ITGAV: variants seen among roughly 807,000 people sequenced by gnomAD.
ITGAV encodes the protein integrin subunit alpha V.
A neutral mutation model predicts 143.8 loss-of-function variants in ITGAV; 76 were observed. The ratio of observed to expected loss-of-function variants is 0.53; its 90% CI spans 0.44 to 0.64. ITGAV has a LOEUF of 0.64. Ranked by LOEUF, ITGAV falls within the 30% of genes least tolerant of loss-of-function variation. The probability of loss-of-function intolerance (pLI) is 0.00; values close to 1 mark genes in which losing one functional copy is unlikely to be tolerated. For synonymous variants in ITGAV, 453 were observed against 446.7 expected (o/e 1.01, Z -0.18); for missense variants, 1,193 against 1,274.7 (o/e 0.94, Z 0.98).
In ITGAV at chr2:186,678,588, AC is replaced by A. The variant is rs1290933541; in HGVS notation, c.*1297del. The A allele has an allele frequency of 2.5e-5, 8 of 322,080 alleles. No homozygotes were observed. Among genetic ancestry groups the A allele is most frequent in the Non-Finnish European group, 4.8e-5 (8 of 166,288 alleles). The allele number at this position is 322,080 out of a possible 1,614,324, so 20.0% of individuals were successfully genotyped here. ...TTTCTGAAGTTCGTTAGTATAAATT[AC>A]TTTTCTAGGATTATTAATAAAAGCC... is the stretch of plus-strand genomic sequence containing the variant. On this transcript the variant is annotated 3_prime_UTR_variant, in exon 30 of 30. Coordinates refer to ENST00000261023, the MANE Select transcript of ITGAV (RefSeq NM_002210.5).
At chr2:186,648,891 T>TA (rs1191578908) in intron 13 of ITGAV, among the ~76,000 whole-genome samples, 1 of 150,378 alleles carries the variant, frequency 6.6e-6, no homozygotes, top group Non-Finnish European at 1.5e-5. Context: ...AGATTATTAG[T>TA]AAAAATAATC....
chr2:186,594,678 G>A lies in ITGAV; in HGVS notation c.185+4155G>A, dbSNP rs187713612. ...CATTGCCAGCAAGAAAGTCCAAACC[G>A]CTTAACATGGATTAAGGTCACTTGC... On this transcript the variant is annotated intron_variant, in intron 1 of 29. Coordinates refer to ENST00000261023, the MANE Select transcript of ITGAV (RefSeq NM_002210.5). Among the ~76,000 whole-genome samples, 7 of 152,204 alleles carry A rather than the reference G, an allele frequency of 4.6e-5. No homozygotes were observed. In the East Asian group the frequency reaches 9.6e-4, roughly 21 times the overall value.
chr2:186,660,734 A>C (rs1277636252), intron 18 of ITGAV, among the ~76,000 whole-genome samples: 1 of 152,202 alleles, frequency 6.6e-6, no homozygotes, highest in Admixed American at 6.5e-5. Context: ...TGTCATAACA[A>C]AGTACCACAG....
intron 12 of ITGAV, among the ~76,000 whole-genome samples, chr2:186,642,858 A>G (rs1267601750): frequency 1.3e-5 from 2 of 152,286 alleles, no homozygotes; most frequent in Non-Finnish European, 2.9e-5. Context: ...GGTAGGGAAC[A>G]TCTACTCAGA....
At chr2:186,631,893 G>A (rs1687822507) in intron 5 of ITGAV, among the ~76,000 whole-genome samples, 1 of 152,112 alleles carries the variant, frequency 6.6e-6, no homozygotes. Context: ...AGGCATGGGT[G>A]ACATGTGCTT....
chr2:186,607,126 A>G (rs1687089537), intron 2 of ITGAV, among the ~76,000 whole-genome samples: 1 of 152,114 alleles, frequency 6.6e-6, no homozygotes, highest in African/African-American at 2.4e-5. Flanking sequence ...CTGCCATTCT[A>G]CATTGTATAA....
At chr2:186,657,562 A>G (rs1178044297) in intron 17 of ITGAV, among the ~76,000 whole-genome samples, 2 of 152,232 alleles carry the variant, frequency 1.3e-5, no homozygotes, top group African/African-American at 2.4e-5. Context: ...CAAAATGTAT[A>G]GGCTATCACA....
chr2:186,623,204 A>C (rs1327987060), intron 3 of ITGAV, among the ~76,000 whole-genome samples: 1 of 152,026 alleles, frequency 6.6e-6, no homozygotes, highest in South Asian at 2.1e-4. Context: ...TCCCTTTCCT[A>C]TGTCATCATT....
chr2:186,657,926 T>C (rs1247598679), intron 17 of ITGAV, among the ~76,000 whole-genome samples: 1 of 151,468 alleles, frequency 6.6e-6, no homozygotes, highest in African/African-American at 2.4e-5. Context: ...AGAACAAGAC[T>C]TCTCAATTTT....
At chr2:186,669,013 T>C (rs1172797883) in intron 25 of ITGAV, 93 bp downstream of exon 25, 18 of 1,226,244 alleles carry the variant, frequency 1.5e-5, no homozygotes, top group Non-Finnish European at 1.9e-5. Context: ...AAACAACTAT[T>C]TTAATATAAA....
At chr2:186,668,250 A>G (rs1371457495) in intron 24 of ITGAV, among the ~76,000 whole-genome samples, 1 of 25,044 alleles carries the variant, frequency 4.0e-5, no homozygotes, top group Non-Finnish European at 7.8e-5. Context: ...TTTTGAGGTG[A>G]AGTCTTGCTC....
chr2:186,649,733 T>G, intron 13 of ITGAV, 107 bp from the exon 14 acceptor site: 1 of 700,860 alleles, frequency 1.4e-6, no homozygotes, highest in Non-Finnish European at 2.3e-6. Context: ...TTAATAGTTT[T>G]GAGAATTTGT....
chr2:186,646,200 G>A (rs963231072), intron 12 of ITGAV, among the ~76,000 whole-genome samples: 1 of 152,088 alleles, frequency 6.6e-6, no homozygotes, highest in Non-Finnish European at 1.5e-5. Context: ...CACAACTTAC[G>A]AATTTCTGAG....
chr2:186,594,989 T>TA (rs1313980501), intron 1 of ITGAV, among the ~76,000 whole-genome samples: 1 of 152,180 alleles, frequency 6.6e-6, no homozygotes, highest in Admixed American at 6.6e-5. Context: ...CAAGGGAAAA[T>TA]ATGTGGAAAT....
chr2:186,625,691 T>G (rs530701191), intron 4 of ITGAV, 104 bp downstream of exon 4: 34 of 390,446 alleles, frequency 8.7e-5, no homozygotes, highest in African/African-American at 5.2e-4. Flanking sequence ...GAGAGAGAGA[T>G]ATTAAAAGAT....
chr2:186,649,811 A>G (rs1382597691), intron 13 of ITGAV, 29 bp from the exon 14 acceptor site: 1 of 1,485,210 alleles, frequency 6.7e-7, no homozygotes, highest in Admixed American at 1.9e-5. Context: ...CATTATCATT[A>G]TTAACATGTT....
intron 2 of ITGAV, among the ~76,000 whole-genome samples, chr2:186,621,977 ATTATC>A (rs1388007097): frequency 2.0e-5 from 3 of 152,176 alleles, no homozygotes; most frequent in East Asian, 1.9e-4. Context: ...AATTTTCATA[ATTATC>A]TTTATGCCCC....
chr2:186,639,826 C>T (rs1688052620), intron 10 of ITGAV, among the ~76,000 whole-genome samples: 1 of 152,138 alleles, frequency 6.6e-6, no homozygotes, highest in Non-Finnish European at 1.5e-5. Flanking sequence ...TAAATGCCAT[C>T]CTTTCTTTAC....
intron 18 of ITGAV, chr2:186,660,652 AT>A (rs1400771799): frequency 2.0e-5 from 3 of 152,152 alleles, no homozygotes; most frequent in African/African-American, 4.8e-5. Flanking sequence ...GGTTAGCAAC[AT>A]TTTTTTAAAA....
Sources: gnomAD v4.1 joint callset for allele counts (sites outside exome capture counted in the v4.1 genomes callset) on GRCh38, gnomAD v4.1.1 for gene constraint, MANE v1.5 for transcripts, NCBI Gene and HGNC (gene_info 2026-07-23, HGNC 2026-07-21) for gene names.